The following SYT14 variants were observed in gnomAD, a reference collection of about 807,000 sequenced individuals.
The protein encoded by SYT14 is synaptotagmin 14.
SYT14 carries 32 observed loss-of-function variants against 74.2 expected under a neutral mutation model. That is an observed-to-expected ratio of 0.43 (90% CI 0.33 to 0.58). The LOEUF is 0.58. SYT14 is among the 20% of genes least tolerant of loss of function. The pLI, the probability that SYT14 is intolerant of heterozygous loss-of-function variation, is 0.05. For synonymous variants in SYT14, 298 were observed against 337.7 expected, an observed-to-expected ratio of 0.88 and a Z score of 1.29; for missense variants, 791 against 981.8, an observed-to-expected ratio of 0.81 and a Z score of 2.60.
chr1:209,949,725 A>G (rs1006031669), intron 1 of SYT14, among the ~76,000 whole-genome samples: 1 of 152,074 alleles, frequency 6.6e-6, no homozygotes, highest in African/African-American at 2.4e-5. Context: ...GTTCATTTTC[A>G]TAAGAATAGT....
intron 6 of SYT14, among the ~76,000 whole-genome samples, chr1:210,096,586 T>C (rs1487006335): frequency 6.6e-6 from 1 of 152,218 alleles, no homozygotes; most frequent in Non-Finnish European, 1.5e-5. Flanking sequence ...TCAGCATTCC[T>C]ATTTATGATG....
chr1:209,992,440 A>G (rs1239950835), intron 2 of SYT14, among the ~76,000 whole-genome samples: 1 of 152,228 alleles, frequency 6.6e-6, no homozygotes, highest in Non-Finnish European at 1.5e-5. Context: ...ACAGAAAGTC[A>G]GATGCTGCAT....
Position 210,000,466 on chromosome 1 carries a change from G to GCACACACACACACACACA in SYT14, c.-485-13150_-485-13133dup, listed in dbSNP as rs375046637. On this transcript the variant is annotated intron_variant, in intron 2 of 9. Transcript: ENST00000637265. The stretch of plus-strand genomic sequence containing the variant: ...TTATTTTAGTCCTTTGTCCTCATAC[G>GCACACACACACACACACA]CACACACACACACACACACACACAC... Among the ~76,000 whole-genome samples the GCACACACACACACACACA allele has an allele frequency of 4.5e-3, 651 of 143,166 alleles. 10 individuals carry two copies. Among genetic ancestry groups the GCACACACACACACACACA allele is most frequent in the African/African-American group, 0.016 (619 of 37,824 alleles). The allele number at this position is 143,166 out of a possible 152,430, so 93.9% of individuals were successfully genotyped here.
intron 5 of SYT14, among the ~76,000 whole-genome samples, chr1:210,070,593 C>A (rs2081373792): frequency 1.3e-5 from 2 of 152,122 alleles, no homozygotes; most frequent in African/African-American, 4.8e-5. Flanking sequence ...GCTTTCTTCT[C>A]AAGGCCTATG....
In SYT14 at chr1:210,075,345, T is replaced by TG. The variant is rs201580404; in HGVS notation, c.1313-18977_1313-18976insG. Among the ~76,000 whole-genome samples the TG allele has an allele frequency of 5.1e-3, 754 of 148,814 alleles. 3 individuals carry two copies. The highest frequency in any genetic ancestry group is 0.017 in the African/African-American group (696 of 40,052). ...CCTGCTAGGGTCTCGAGGGTTTGTT[T>TG]TTTTTTTTTTTTTTGAGACAGAGTC... On this transcript the variant is annotated intron_variant, in intron 5 of 9. Transcript: ENST00000637265.
intron 7 of SYT14, among the ~76,000 whole-genome samples, chr1:210,114,767 A>G (rs1353952322): frequency 1.3e-5 from 2 of 151,206 alleles, no homozygotes; most frequent in Non-Finnish European, 2.9e-5. Context: ...TCATGGAACA[A>G]AACTGTAAAC....
intron 2 of SYT14, among the ~76,000 whole-genome samples, chr1:209,996,105 C>T (rs772992921): frequency 2.6e-5 from 4 of 151,548 alleles, no homozygotes; most frequent in Non-Finnish European, 5.9e-5. Context: ...CAAAGCTAGC[C>T]GAAGAAAAGA....
intron 2 of SYT14, among the ~76,000 whole-genome samples, chr1:210,010,100 A>G (rs541315884): frequency 3.9e-5 from 6 of 152,144 alleles, no homozygotes; most frequent in Non-Finnish European, 8.8e-5. Flanking sequence ...TTTTACCACT[A>G]TTGACTTGCT....
At chr1:210,136,091 G>A (rs889058564) in intron 7 of SYT14, among the ~76,000 whole-genome samples, 2 of 152,158 alleles carry the variant, frequency 1.3e-5, no homozygotes, top group Non-Finnish European at 2.9e-5. Flanking sequence ...TAGGATGTGA[G>A]ACAAGAAGCC....
intron 1 of SYT14, among the ~76,000 whole-genome samples, chr1:209,950,920 C>T (rs1269037731): frequency 6.6e-6 from 1 of 152,090 alleles, no homozygotes; most frequent in Non-Finnish European, 1.5e-5. Flanking sequence ...TTTTATTCAG[C>T]TTACATTAAA....
intron 2 of SYT14, among the ~76,000 whole-genome samples, chr1:209,960,112 T>A (rs2079055933): frequency 6.6e-6 from 1 of 152,196 alleles, no homozygotes; most frequent in Non-Finnish European, 1.5e-5. Context: ...TACTAATATA[T>A]GTTAATATGT....
chr1:209,959,851 T>C (rs2079051879), intron 2 of SYT14, among the ~76,000 whole-genome samples: 1 of 152,196 alleles, frequency 6.6e-6, no homozygotes, highest in Non-Finnish European at 1.5e-5. Context: ...AGATAGTGGT[T>C]GCACAACTCT....
chr1:210,161,169 C>A, exon 10 of SYT14: 1 of 1,039,554 alleles, frequency 9.6e-7, no homozygotes, highest in Non-Finnish European at 1.5e-6. Flanking sequence ...TACCAAAATG[C>A]TTTAAGTTCT....
In SYT14 at chr1:210,163,865, A is replaced by G. The variant is rs548290742; in HGVS notation, c.*2823A>G. 1.3e-5 allele frequency: 6 copies of G among 453,806 alleles called. No individual in the cohort carries two copies. In the East Asian group the frequency reaches 2.8e-4, roughly 21 times the overall value. 28.1% of individuals were successfully genotyped at this position (453,806 alleles called of 1,614,324 possible). On this transcript the variant is annotated 3_prime_UTR_variant, in exon 10 of 10. Coordinates refer to ENST00000637265, the Ensembl canonical transcript of SYT14. Reference sequence around the variant, plus strand: ...CAAAATCTTCTATCTCAGTAATTATAGCAAATAGGGACCTACTGGTAGGGA... The same window carrying G: ...CAAAATCTTCTATCTCAGTAATTATGGCAAATAGGGACCTACTGGTAGGGA...
chr1:210,019,400 C>G (rs2080257610), intron 4 of SYT14, among the ~76,000 whole-genome samples: 1 of 152,140 alleles, frequency 6.6e-6, no homozygotes, highest in Non-Finnish European at 1.5e-5. Flanking sequence ...AGTCTTATAT[C>G]TCTGCATTGT....
intron 2 of SYT14, among the ~76,000 whole-genome samples, chr1:209,981,453 T>TC (rs1307297728): frequency 1.9e-4 from 25 of 128,706 alleles, no homozygotes; most frequent in East Asian, 6.0e-4. Context: ...TTCTTTTCTT[T>TC]TTTTTTTTTT....
rs934622939 is a variant in SYT14 at position 210,065,787 on chromosome 1, A to G, written c.1313-28535A>G. 2.6e-5 allele frequency among the ~76,000 whole-genome samples: 4 copies of G among 151,964 alleles called. No homozygotes were observed. The East Asian group carries it at 7.7e-4, about 29-fold the overall frequency. ...CATGTGCACAACGTGCAGGTTTGTT[A>G]CATATGTATACATGTGCCATGTTGG... On this transcript the variant is annotated intron_variant, in intron 5 of 9. Transcript: ENST00000637265.
At chr1:210,025,851 A>G (rs199997345) in intron 5 of SYT14, among the ~76,000 whole-genome samples, 1 of 152,222 alleles carries the variant, frequency 6.6e-6, no homozygotes, top group East Asian at 1.9e-4. Context: ...ACACAGCAAG[A>G]TAAAAACTAT....
exon 10 of SYT14, chr1:210,162,790 C>T (rs1482630795): frequency 4.5e-6 from 2 of 447,590 alleles, no homozygotes; most frequent in Admixed American, 2.4e-5. Context: ...AAAATGGCAG[C>T]TCTATGCATT....
Sources: allele counts gnomAD v4.1 joint callset (sites outside exome capture counted in the v4.1 genomes callset), GRCh38; gene constraint gnomAD v4.1.1; transcripts MANE v1.5; gene names NCBI Gene and HGNC (gene_info 2026-07-23, HGNC 2026-07-21).